The following PHKA2 variants were observed in gnomAD, a reference collection of about 807,000 sequenced individuals.
PHKA2 encodes phosphorylase kinase regulatory subunit alpha 2, also known as phosphorylase b kinase regulatory subunit alpha, liver isoform.
PHKA2 carries 31 observed loss-of-function variants against 102.0 expected under a neutral mutation model. The observed-to-expected ratio is 0.30, with a 90% CI of 0.23 to 0.41. The LOEUF (loss-of-function observed/expected upper bound fraction) is 0.41, where lower values mean the gene tolerates loss of function less well. Ranked by LOEUF, PHKA2 falls within the 10% of genes least tolerant of loss-of-function variation. PHKA2 has a pLI of 1.00. For synonymous variants in PHKA2, 455 were observed against 416.2 expected (o/e 1.09, Z -1.13); for missense variants, 858 against 1,023.1 (o/e 0.84, Z 2.20).
intron 2 of PHKA2, 50 bp downstream of exon 2, chrX:18,954,204 C>T: frequency 8.4e-6 from 10 of 1,184,181 alleles, no homozygotes; most frequent in Non-Finnish European, 1.1e-5. Flanking sequence ...TTTTTCAGTT[C>T]AAGGAGAAGG....
rs41309581 is a variant in PHKA2, at chrX:18,924,634, C to T, written c.1570-109G>A. 2.2e-3 allele frequency: 1,657 copies of T among 749,456 alleles called. 2 individuals carry two copies. The highest frequency in any genetic ancestry group is 3.2e-3 in the Non-Finnish European group (1,547 of 489,822). The allele number at this position is 749,456 out of a possible 1,213,427, so 61.8% of individuals were successfully genotyped here. A position where few individuals can be genotyped will look rare whatever the true frequency, so the allele number is the denominator to read the frequency against. ...TGGGGTTTTATTGCCAGGCAAGAGG[C>T]TCAGTACTCGTTTCAATCCACCCAG... On this transcript the variant is annotated intron_variant, in intron 15 of 32. Coordinates refer to ENST00000379942, the MANE Select transcript of PHKA2 (RefSeq NM_000292.3).
intron 18 of PHKA2, among the ~76,000 whole-genome samples, 192 bp from the exon 19 acceptor site, chrX:18,919,046 A>C (rs188734398): frequency 8.9e-6 from 1 of 111,739 alleles, no homozygotes; most frequent in African/African-American, 3.3e-5. Flanking sequence ...ATGTGTGTAG[A>C]AATTTGCTGT....
chrX:18,914,111 C>T (rs1286900868), intron 19 of PHKA2, among the ~76,000 whole-genome samples: 1 of 112,573 alleles, frequency 8.9e-6, no homozygotes, highest in East Asian at 2.8e-4. Flanking sequence ...AGGAGGTTTA[C>T]TGATACTGGC....
At chrX:18,939,744 T>C (rs1455698182) in intron 9 of PHKA2, among the ~76,000 whole-genome samples, 3 of 111,732 alleles carry the variant, frequency 2.7e-5, no homozygotes, top group Non-Finnish European at 5.7e-5. Context: ...CCGCCCACCT[T>C]GGCCTCCCAA....
intron 1 of PHKA2, among the ~76,000 whole-genome samples, chrX:18,982,391 TG>T (rs1005762266): frequency 1.2e-4 from 14 of 112,649 alleles, no homozygotes; most frequent in African/African-American, 4.5e-4. Flanking sequence ...TATTCTGATG[TG>T]GAAGTAATAA....
In PHKA2 at chrX:18,981,494, A is replaced by G. The variant is rs767841201; in HGVS notation, c.78+2361T>C. Among the ~76,000 whole-genome samples, 421 of 111,673 alleles carry G rather than the reference A, an allele frequency of 3.8e-3. 2 individuals are homozygous for G. Among genetic ancestry groups the G allele is most frequent in the African/African-American group, 0.013 (405 of 30,710 alleles). ...CTTCTGAGGGAAGGCAAGCCTGGAT[A>G]GCTGGGTTATTAGGATGACTCAGGT... On this transcript the variant is annotated intron_variant, in intron 1 of 32. Coordinates refer to ENST00000379942, the MANE Select transcript of PHKA2 (RefSeq NM_000292.3).
intron 1 of PHKA2, among the ~76,000 whole-genome samples, chrX:18,981,808 G>A (rs1052397836): frequency 3.6e-5 from 4 of 110,309 alleles, no homozygotes; most frequent in African/African-American, 1.3e-4. Context: ...CTGTTGCCCA[G>A]TAGGTGCCAG....
Position 18,897,261 on chromosome X carries a change from C to T in PHKA2, c.3184G>A (p.Glu1062Lys). 1 of 1,210,978 alleles carries T rather than the reference C, an allele frequency of 8.3e-7. No individual in the cohort carries two copies. Among genetic ancestry groups the T allele is most frequent in the Non-Finnish European group, 1.1e-6 (1 of 895,274 alleles). The change falls in exon 30 of 33, where the codon GAG (glutamate) becomes AAG (lysine). Residue 1062 changes from glutamate to lysine, a missense_variant. Physicochemically the swap from Glu to Lys is moderately conservative, Grantham distance 56. Around this residue, in one of 2 missense-constraint regions of PHKA2, gnomAD observed 671 missense variants for 745.2 expected, o/e 0.90. Transcript: ENST00000379942. ...CTGCGCAGCCACTGGCCCTGCCGCT[C>T]ACCCCAGCCGATGTGATGTCCTCCC... Reference protein sequence around the residue: ...DSGGHHIGWGERQGQWLRRRR... With the variant: ...DSGGHHIGWGKRQGQWLRRRR...
chrX:18,946,862 G>A (rs1374072774), intron 5 of PHKA2, among the ~76,000 whole-genome samples: 1 of 98,287 alleles, frequency 1.0e-5, no homozygotes, highest in Non-Finnish European at 2.1e-5. Flanking sequence ...CAGGTAATCT[G>A]AGTCATTGGG....
chrX:18,963,990 T>A (rs2048904632), intron 1 of PHKA2, among the ~76,000 whole-genome samples: 1 of 110,641 alleles, frequency 9.0e-6, no homozygotes, highest in African/African-American at 3.3e-5. Flanking sequence ...ACCCTTTCTG[T>A]GTCTCTAGGT....
chrX:18,917,539 A>G (rs6629305), intron 19 of PHKA2, among the ~76,000 whole-genome samples: 12,098 of 111,015 alleles, frequency 0.11, 1,420 homozygotes, highest in African/African-American at 0.35. Flanking sequence ...GATTACAGGT[A>G]TGAGCCACCA....
intron 1 of PHKA2, among the ~76,000 whole-genome samples, chrX:18,980,911 T>C (rs1467594668): frequency 1.8e-5 from 2 of 111,874 alleles, no homozygotes; most frequent in African/African-American, 6.5e-5. Flanking sequence ...ATGAAACCAA[T>C]GTAAATTGAT....
intron 5 of PHKA2, 36 bp from the exon 6 acceptor site, chrX:18,945,194 A>C (rs372125017): frequency 1.0e-4 from 93 of 904,324 alleles, no homozygotes; most frequent in Non-Finnish European, 1.4e-4. Flanking sequence ...GAGGGGAGAA[A>C]GAGGTATATA....
At chrX:18,975,504 CGGACTAAT>C (rs747764430) in intron 1 of PHKA2, among the ~76,000 whole-genome samples, 18 of 111,771 alleles carry the variant, frequency 1.6e-4, no homozygotes, top group Non-Finnish European at 2.6e-4. Context: ...AGCATGAAAA[CGGACTAAT>C]ACAGATACCT....
intron 29 of PHKA2, chrX:18,897,561 G>A: frequency 4.7e-6 from 2 of 424,024 alleles, no homozygotes; most frequent in Middle Eastern, 6.5e-4. Context: ...TGCCCCCCGA[G>A]AGGCAGTCCC....
At chrX:18,960,239 G>T (rs1407429511) in intron 1 of PHKA2, among the ~76,000 whole-genome samples, 2 of 111,946 alleles carry the variant, frequency 1.8e-5, no homozygotes, top group African/African-American at 6.5e-5. Context: ...TCCACCCCTG[G>T]CCGGCTGTGG....
chrX:18,972,794 T>C (rs981486984), intron 1 of PHKA2, among the ~76,000 whole-genome samples: 17 of 111,910 alleles, frequency 1.5e-4, no homozygotes, highest in Admixed American at 4.8e-4. Context: ...ACTTTTTTCC[T>C]GCAAATAATA....
chrX:18,917,256 A>T (rs2048033230), intron 19 of PHKA2, among the ~76,000 whole-genome samples: 1 of 108,126 alleles, frequency 9.2e-6, no homozygotes, highest in Non-Finnish European at 1.9e-5. Context: ...CTGCAAAAAA[A>T]TGTCTTTTTT....
intron 30 of PHKA2, chrX:18,895,419 T>TC: frequency 6.8e-6 from 3 of 438,069 alleles, no homozygotes; most frequent in Non-Finnish European, 1.2e-5. Context: ...CTTTCAGATC[T>TC]CCCCCGAACA....
Sources: allele counts gnomAD v4.1 joint callset (sites outside exome capture counted in the v4.1 genomes callset), GRCh38; gene constraint gnomAD v4.1.1; regional missense constraint gnomAD v4.1.1; transcripts MANE v1.5; gene names NCBI Gene and HGNC (gene_info 2026-07-23, HGNC 2026-07-21).